Variants in ABCA5 observed in about 807,000 individuals in gnomAD.
ABCA5 encodes ATP binding cassette subfamily A member 5.
A neutral mutation model predicts 206.0 loss-of-function variants in ABCA5; 163 were observed. That is an observed-to-expected ratio of 0.79 (90% CI 0.70 to 0.90). ABCA5 has a LOEUF of 0.90. Among genes scored for constraint, ABCA5 ranks in the 40% least tolerant of loss-of-function variants. The pLI, the probability that ABCA5 is intolerant of heterozygous loss-of-function variation, is 0.00. For synonymous variants in ABCA5, 609 were observed against 613.8 expected, an observed-to-expected ratio of 0.99 and a Z score of 0.11; for missense variants, 1,859 against 1,912.9, an observed-to-expected ratio of 0.97 and a Z score of 0.53.
At chr17:69,253,698 T>C in intron 33 of ABCA5, 31 bp from the exon 34 acceptor site, 1 of 1,596,202 alleles carries the variant, frequency 6.3e-7, no homozygotes, top group South Asian at 1.1e-5. Context: ...GGGTGGGAAA[T>C]TAACAAAGGT....
chr17:69,306,337 T>C (rs1000237084), intron 6 of ABCA5, among the ~76,000 whole-genome samples: 3 of 152,150 alleles, frequency 2.0e-5, no homozygotes, highest in Non-Finnish European at 4.4e-5. Context: ...TGCTATATTA[T>C]GGAAGAACTG....
At chr17:69,255,440 A>G (rs766121303) in intron 31 of ABCA5, 103 bp downstream of exon 31, 1 of 681,430 alleles carries the variant, frequency 1.5e-6, no homozygotes, top group Non-Finnish European at 2.2e-6. Flanking sequence ...TTCTAAAAAT[A>G]TACATAAAAA....
At chr17:69,293,862 G>T (rs866497118) in intron 11 of ABCA5, among the ~76,000 whole-genome samples, 12 of 105,940 alleles carry the variant, frequency 1.1e-4, no homozygotes, top group Middle Eastern at 4.5e-3. Flanking sequence ...GTGTGTGTGT[G>T]TGTGTGTGTG....
At chr17:69,292,529 G>T (rs1335423206) in intron 11 of ABCA5, among the ~76,000 whole-genome samples, 2 of 152,228 alleles carry the variant, frequency 1.3e-5, no homozygotes, top group East Asian at 3.9e-4. Flanking sequence ...TTTAAAAATA[G>T]ATTATTGTGT....
intron 19 of ABCA5, among the ~76,000 whole-genome samples, chr17:69,277,230 T>C (rs889356497): frequency 2.6e-5 from 4 of 151,996 alleles, no homozygotes; most frequent in South Asian, 2.1e-4. Context: ...AAAGTGGTTA[T>C]AAAAACTAAC....
intron 18 of ABCA5, among the ~76,000 whole-genome samples, chr17:69,279,766 A>G (rs1262567241): frequency 6.6e-6 from 1 of 152,210 alleles, no homozygotes; most frequent in Non-Finnish European, 1.5e-5. Context: ...AAACCTGAGA[A>G]AAACGAGCAA....
At chr17:69,290,167 C>T in intron 12 of ABCA5, 130 bp from the exon 13 acceptor site, 1 of 557,748 alleles carries the variant, frequency 1.8e-6, no homozygotes. Flanking sequence ...ATTTACAAGG[C>T]ACAACACACC....
intron 5 of ABCA5, 146 bp from the exon 6 acceptor site, chr17:69,307,100 T>C: frequency 2.4e-6 from 1 of 415,114 alleles, no homozygotes; most frequent in Non-Finnish European, 4.2e-6. Flanking sequence ...ATAAAGTGAG[T>C]GACCCCAATA....
Position 69,254,315 on chromosome 17 carries a change from C to T in ABCA5, c.4244G>A (p.Arg1415Gln), listed in dbSNP as rs1420166075. The T allele has an allele frequency of 1.0e-5, 16 of 1,585,448 alleles. No homozygotes were observed. The highest frequency in any genetic ancestry group is 1.2e-5 in the Non-Finnish European group (14 of 1,165,230). The change falls in exon 32 of 39, where the codon CGA (arginine) becomes CAA (glutamine). Residue 1415 changes from arginine to glutamine, a missense_variant and splice_region_variant. By Grantham distance (43) the Arg-to-Gln change is conservative (BLOSUM62 1). Transcript: ENST00000392676. ...AGGAATCTAAAGACAATTATTTTAC[C>T]GACTTATGACTTCTTTCATGTCACT... ...SASDMKEVIS[R>Q]ITHALDLKEH... is the part of the protein sequence containing the mutation.
intron 10 of ABCA5, 79 bp downstream of exon 10, chr17:69,297,112 T>C: frequency 1.5e-6 from 2 of 1,364,578 alleles, no homozygotes; most frequent in Non-Finnish European, 2.0e-6. Flanking sequence ...ATACCATATT[T>C]ACATACATAT....
At chr17:69,252,808 G>T (rs117004332) in intron 34 of ABCA5, among the ~76,000 whole-genome samples, 6,340 of 140,462 alleles carry the variant, frequency 0.045, 182 homozygotes, top group Non-Finnish European at 0.067. Context: ...CTGCACTCCA[G>T]CTTGGTCAAC....
intron 26 of ABCA5, 93 bp from the exon 27 acceptor site, chr17:69,260,505 C>T: frequency 1.2e-6 from 1 of 838,676 alleles, no homozygotes; most frequent in East Asian, 2.7e-5. Context: ...CAAACGTGTA[C>T]TTTCTATAAT....
At position 69,287,729 on chromosome 17, in the gene ABCA5, G is replaced by A; in HGVS notation, c.1925C>T (p.Thr642Ile). 6.2e-7 allele frequency: 1 copy of A among 1,613,344 alleles called. No homozygotes were observed. Among genetic ancestry groups the A allele is most frequent in the East Asian group, 2.2e-5 (1 of 44,820 alleles). ...TCGAGAACAGGGGTCCATTCCAGCT[G>A]TTGGTTCATCTAGCAGCAGTATCTG... ...NPKILLLDEP[T>I]AGMDPCSRHI... Residue 642 changes from threonine to isoleucine, a missense_variant, in exon 15 of 39, where the codon ACA becomes ATA. Coordinates refer to ENST00000392676, the MANE Select transcript of ABCA5 (RefSeq NM_172232.4).
chr17:69,268,550 C>A (rs934531782), intron 22 of ABCA5, among the ~76,000 whole-genome samples: 96 of 151,980 alleles, frequency 6.3e-4, no homozygotes, highest in African/African-American at 2.3e-3. Context: ...CTCCCACAGG[C>A]CCCAATGTCG....
At chr17:69,255,466 G>A (rs1414839507) in intron 31 of ABCA5, 77 bp downstream of exon 31, 10 of 936,908 alleles carry the variant, frequency 1.1e-5, no homozygotes, top group East Asian at 3.0e-5. Context: ...TATAAAATCC[G>A]AATTTGTCAC....
At chr17:69,319,165 G>A (rs2075843060) in intron 1 of ABCA5, among the ~76,000 whole-genome samples, 1 of 152,118 alleles carries the variant, frequency 6.6e-6, no homozygotes, top group Non-Finnish European at 1.5e-5. Context: ...AGGGAAGGAA[G>A]GAAGAAAGCT....
chr17:69,320,813 G>T (rs193167502), intron 1 of ABCA5, among the ~76,000 whole-genome samples: 1 of 152,104 alleles, frequency 6.6e-6, no homozygotes, highest in Non-Finnish European at 1.5e-5. Flanking sequence ...GGGATATGGC[G>T]AATAAATAAG....
At chr17:69,301,585 T>G (rs1297472829) in intron 8 of ABCA5, among the ~76,000 whole-genome samples, 6 of 151,870 alleles carry the variant, frequency 4.0e-5, no homozygotes, top group African/African-American at 1.5e-4. Context: ...ACAAATGAAA[T>G]AAAAACAAAC....
rs2049251907 is a variant in ABCA5 at position 69,249,941 on chromosome 17, G to T, written c.4729C>A (p.Gln1577Lys). 1 of 1,520,256 alleles carries T rather than the reference G, an allele frequency of 6.6e-7. No homozygotes were observed. Among genetic ancestry groups the T allele is most frequent in the African/African-American group, 1.4e-5 (1 of 71,076 alleles). The allele number at this position is 1,520,256 out of a possible 1,614,324, so 94.2% of individuals were successfully genotyped here. The change falls in exon 37 of 39, where the codon CAG becomes AAG. Residue 1577 changes from glutamine (Q) to lysine (K), a missense_variant. Coordinates refer to ENST00000392676, the MANE Select transcript of ABCA5 (RefSeq NM_172232.4). Reference protein sequence around the residue: ...LAYKIPKEDVQSLSQSFFKLE... With the variant: ...LAYKIPKEDVKSLSQSFFKLE... ...TTAAAAAAAGATTGTGAAAGGGACT[G>T]AACATCTTCCTTAGGAATTTTATAA...
Sources: gnomAD v4.1 joint callset for allele counts (sites outside exome capture counted in the v4.1 genomes callset) on GRCh38, gnomAD v4.1.1 for gene constraint, MANE v1.5 for transcripts, NCBI Gene and HGNC (gene_info 2026-07-23, HGNC 2026-07-21) for gene names.